Variants in SCMH1 observed in about 807,000 individuals in gnomAD.
The protein encoded by SCMH1 is polycomb protein SCMH1.
SCMH1 carries 37 observed loss-of-function variants against 70.8 expected under a neutral mutation model. That is an observed-to-expected ratio of 0.52 (90% CI 0.40 to 0.69). The LOEUF (loss-of-function observed/expected upper bound fraction) is 0.69. SCMH1 is among the 30% of genes least tolerant of loss of function. The pLI is 0.00. For synonymous variants in SCMH1, 292 were observed against 307.4 expected, an observed-to-expected ratio of 0.95 and a Z score of 0.52; for missense variants, 607 against 827.3, an observed-to-expected ratio of 0.73 and a Z score of 3.27.
intron 5 of SCMH1, among the ~76,000 whole-genome samples, chr1:41,144,222 T>A (rs1466206373): frequency 6.6e-6 from 1 of 152,056 alleles, no homozygotes; most frequent in Non-Finnish European, 1.5e-5. Flanking sequence ...CATAATCCCC[T>A]CAAAATGAAC....
intron 1 of SCMH1, among the ~76,000 whole-genome samples, chr1:41,212,829 AATAC>A (rs1008280130): frequency 6.6e-6 from 1 of 152,210 alleles, no homozygotes; most frequent in Non-Finnish European, 1.5e-5. Context: ...AATTTTTAAA[AATAC>A]ATACTTTATT....
At chr1:41,146,257 T>C (rs1296732843) in intron 5 of SCMH1, among the ~76,000 whole-genome samples, 1 of 151,964 alleles carries the variant, frequency 6.6e-6, no homozygotes, top group Admixed American at 6.6e-5. Context: ...TCTACAGCTG[T>C]ACAATGTGTT....
rs539594071 is a variant in SCMH1, at chr1:41,049,250, G to A, written c.1106-360C>T. ...TACTTGGTTGCCTCACATATTCTTT[G>A]TACCTCTTACCATATATGTGTAAGG... is the stretch of plus-strand genomic sequence containing the variant. On this transcript the variant is annotated intron_variant, in intron 10 of 14. Coordinates refer to ENST00000337495, the Ensembl canonical transcript of SCMH1. 5.3e-5 allele frequency among the ~76,000 whole-genome samples: 8 copies of A among 152,010 alleles called. No homozygotes were observed. In the South Asian group the frequency reaches 1.7e-3, roughly 32 times the overall value.
chr1:41,237,020 T>A (rs186030080), intron 1 of SCMH1, among the ~76,000 whole-genome samples: 46 of 152,322 alleles, frequency 3.0e-4, no homozygotes, highest in Non-Finnish European at 5.9e-4. Flanking sequence ...AGACCCAACA[T>A]TTGAGTGCCT....
exon 14 of SCMH1, chr1:41,028,618 T>C (rs371463378): frequency 6.2e-6 from 10 of 1,614,122 alleles, no homozygotes; most frequent in Non-Finnish European, 8.5e-6. Flanking sequence ...GGGTCCAAGC[T>C]GAGGATCAGC....
chr1:41,166,635 C>G (rs1166878489), intron 2 of SCMH1, among the ~76,000 whole-genome samples: 1 of 147,696 alleles, frequency 6.8e-6, no homozygotes, highest in Non-Finnish European at 1.5e-5. Context: ...TTCTTAATTT[C>G]TTTTTCAGAA....
intron 10 of SCMH1, among the ~76,000 whole-genome samples, chr1:41,059,768 A>C (rs2148796775): frequency 6.6e-6 from 1 of 152,284 alleles, no homozygotes; most frequent in Non-Finnish European, 1.5e-5. Flanking sequence ...CCGGTGCCCC[A>C]AAAGTGCTTA....
At chr1:41,178,210 G>A (rs947912994) in intron 2 of SCMH1, among the ~76,000 whole-genome samples, 2 of 152,096 alleles carry the variant, frequency 1.3e-5, no homozygotes, top group African/African-American at 4.8e-5. Flanking sequence ...TCACCACCAG[G>A]ACTGCCCTAA....
chr1:41,065,554 C>T (rs903856831), intron 10 of SCMH1, among the ~76,000 whole-genome samples: 4 of 152,136 alleles, frequency 2.6e-5, no homozygotes, highest in African/African-American at 9.7e-5. Flanking sequence ...CTGATACTAC[C>T]TGACTTCAAG....
intron 1 of SCMH1, among the ~76,000 whole-genome samples, chr1:41,206,013 A>T (rs1410823490): frequency 6.6e-6 from 1 of 152,206 alleles, no homozygotes; most frequent in Non-Finnish European, 1.5e-5. Flanking sequence ...CAAAAAGGAC[A>T]TCCATACCAA....
chr1:41,083,224 C>T (rs571157273), intron 8 of SCMH1, among the ~76,000 whole-genome samples: 1 of 152,260 alleles, frequency 6.6e-6, no homozygotes, highest in Admixed American at 6.5e-5. Context: ...ATCTAGAAAA[C>T]CCCATTGTCT....
At chr1:41,233,340 A>G (rs1202245517) in intron 1 of SCMH1, among the ~76,000 whole-genome samples, 1 of 152,184 alleles carries the variant, frequency 6.6e-6, no homozygotes, top group African/African-American at 2.4e-5. Flanking sequence ...TCCCATTCTG[A>G]AAAATCCACT....
chr1:41,180,038 T>C (rs1648269442), intron 2 of SCMH1, among the ~76,000 whole-genome samples: 1 of 152,206 alleles, frequency 6.6e-6, no homozygotes, highest in South Asian at 2.1e-4. Flanking sequence ...GCTTCATCCC[T>C]GGGATGCAAG....
At chr1:41,073,742 C>A (rs574042671) in intron 9 of SCMH1, among the ~76,000 whole-genome samples, 7 of 151,908 alleles carry the variant, frequency 4.6e-5, no homozygotes, top group Admixed American at 4.6e-4. Context: ...ATATAAGGTA[C>A]CACAGGAGAA....
intron 1 of SCMH1, among the ~76,000 whole-genome samples, chr1:41,221,702 A>G (rs1249281957): frequency 6.6e-6 from 1 of 151,824 alleles, no homozygotes; most frequent in Non-Finnish European, 1.5e-5. Flanking sequence ...AGCCTGGCCA[A>G]CATGGCGAAA....
At chr1:41,056,057 C>A (rs766543874) in intron 10 of SCMH1, among the ~76,000 whole-genome samples, 4 of 152,216 alleles carry the variant, frequency 2.6e-5, no homozygotes, top group Non-Finnish European at 4.4e-5. Flanking sequence ...GGGGTCTACT[C>A]CTCTCCTCTT....
intron 10 of SCMH1, among the ~76,000 whole-genome samples, chr1:41,057,273 G>GT (rs751064550): frequency 9.2e-5 from 14 of 151,912 alleles, no homozygotes; most frequent in Admixed American, 2.0e-4. Context: ...TTGTTTGTTT[G>GT]TTTGTTTTTT....
intron 2 of SCMH1, among the ~76,000 whole-genome samples, chr1:41,172,249 T>G (rs1349975426): frequency 1.3e-5 from 2 of 149,890 alleles, no homozygotes; most frequent in Non-Finnish European, 3.0e-5. Context: ...TCAGGAAAGC[T>G]GCAGGACATA....
intron 8 of SCMH1, among the ~76,000 whole-genome samples, chr1:41,103,298 AT>A (rs1024036640): frequency 3.3e-5 from 5 of 151,274 alleles, no homozygotes; most frequent in Non-Finnish European, 5.9e-5. Context: ...CTCCTGGCTA[AT>A]TTTTTTTTAT....
Sources: allele counts gnomAD v4.1 joint callset (sites outside exome capture counted in the v4.1 genomes callset), GRCh38; gene constraint gnomAD v4.1.1; transcripts MANE v1.5; gene names NCBI Gene and HGNC (gene_info 2026-07-23, HGNC 2026-07-21).